The following RNF212B variants were observed in gnomAD, a reference collection of about 807,000 sequenced individuals.
RNF212B encodes E3 ubiquitin-protein ligase RNF212B.
RNF212B carries 52 observed loss-of-function variants against 55.5 expected under a neutral mutation model. The observed-to-expected ratio is 0.94, with a 90% CI of 0.75 to 1.18. RNF212B has a LOEUF of 1.18. Ranked by LOEUF, RNF212B falls within the 50% of genes most tolerant of loss-of-function variation. The probability of loss-of-function intolerance (pLI) is 0.00; values close to 1 mark genes in which losing one functional copy is unlikely to be tolerated. For synonymous variants in RNF212B, 99 were observed against 121.4 expected (o/e 0.82, Z 1.21); for missense variants, 289 against 350.4 (o/e 0.82, Z 1.40).
upstream of RNF212B, among the ~76,000 whole-genome samples, chr14:23,235,445 A>G (rs185174100): frequency 9.2e-5 from 14 of 152,334 alleles, no homozygotes; most frequent in East Asian, 2.1e-3. Context: ...TTTTTACTTG[A>G]AAGAACATCT....
intron 2 of RNF212B, among the ~76,000 whole-genome samples, chr14:23,194,747 A>AC (rs1206239640): frequency 3.4e-4 from 52 of 151,122 alleles, no homozygotes; most frequent in Admixed American, 9.2e-4. Context: ...AAAAAAAAAA[A>AC]AAAAAAAAAA....
chr14:23,209,016 C>T (rs1171910097), intron 2 of RNF212B, among the ~76,000 whole-genome samples: 1 of 152,072 alleles, frequency 6.6e-6, no homozygotes, highest in African/African-American at 2.4e-5. Flanking sequence ...CCTTGGCCTC[C>T]CAGAGTGCTG....
At chr14:23,263,314 CA>C (rs1389202437) in intron 9 of RNF212B, among the ~76,000 whole-genome samples, 5 of 152,190 alleles carry the variant, frequency 3.3e-5, no homozygotes, top group African/African-American at 1.2e-4. Flanking sequence ...TCACATTTAG[CA>C]TATTGTTTAA....
At chr14:23,234,432 A>G (rs1172201864), upstream of RNF212B, among the ~76,000 whole-genome samples, 3 of 152,010 alleles carry the variant, frequency 2.0e-5, no homozygotes, top group Non-Finnish European at 2.9e-5. Flanking sequence ...AGTATTTACT[A>G]TTATTTTCGT....
intron 12 of RNF212B, 65 bp from the exon 13 acceptor site, chr14:23,269,798 T>C: frequency 2.3e-6 from 2 of 886,744 alleles, no homozygotes; most frequent in Non-Finnish European, 3.6e-6. Flanking sequence ...TTCCATTACA[T>C]ATGCTTTTTA....
chr14:23,241,105 G>T (rs557799954), intron 2 of RNF212B, among the ~76,000 whole-genome samples: 1 of 152,242 alleles, frequency 6.6e-6, no homozygotes, highest in Admixed American at 6.5e-5. Flanking sequence ...TTGGGGTAGG[G>T]TGTTTTGATC....
chr14:23,189,494 G>A (rs1275630311), intron 1 of RNF212B, among the ~76,000 whole-genome samples: 1 of 152,056 alleles, frequency 6.6e-6, no homozygotes, highest in African/African-American at 2.4e-5. Flanking sequence ...CAGATGTGCT[G>A]TAATAACTCC....
intron 11 of RNF212B, among the ~76,000 whole-genome samples, chr14:23,267,135 G>GT (rs1215951638): frequency 6.6e-6 from 1 of 151,620 alleles, no homozygotes; most frequent in African/African-American, 2.4e-5. Flanking sequence ...CGCCTGGCTA[G>GT]TTTTTTTATT....
At chr14:23,236,382 G>T (rs375684797), upstream of RNF212B, among the ~76,000 whole-genome samples, 142 of 152,186 alleles carry the variant, frequency 9.3e-4, no homozygotes, top group African/African-American at 3.3e-3. Context: ...GGGCGTAATG[G>T]CAGGCGCCTG....
chr14:23,266,942 C>T (rs1278331006), intron 11 of RNF212B, among the ~76,000 whole-genome samples: 1 of 152,128 alleles, frequency 6.6e-6, no homozygotes, highest in African/African-American at 2.4e-5. Context: ...ATTAAAGTCA[C>T]CAACTATTAT....
upstream of RNF212B, among the ~76,000 whole-genome samples, chr14:23,235,308 C>G (rs1384582797): frequency 6.6e-6 from 1 of 152,024 alleles, no homozygotes; most frequent in Non-Finnish European, 1.5e-5. Context: ...TATGATTGTG[C>G]CACTAAACTC....
chr14:23,259,668 A>T, intron 5 of RNF212B: 1 of 341,340 alleles, frequency 2.9e-6, no homozygotes, highest in Non-Finnish European at 5.4e-6. Flanking sequence ...CCCTGAAATC[A>T]TACCAAGTAA....
rs777026693 is a variant in RNF212B at position 23,258,546 on chromosome 14, T to C, written c.229-3T>C. On this transcript the variant is annotated splice_region_variant and splice_polypyrimidine_tract_variant and intron_variant, in intron 4 of 14. Transcript: ENST00000430154. Reference sequence around the variant, plus strand: ...ATGTCAAAGGCTTGTTTTTCCCTAGTAGGTGTGGAGTTTCCAGAAGAAACA... The same window carrying C: ...ATGTCAAAGGCTTGTTTTTCCCTAGCAGGTGTGGAGTTTCCAGAAGAAACA... The C allele has an allele frequency of 6.9e-7, 1 of 1,450,932 alleles. No individual in the cohort carries two copies. The highest frequency in any genetic ancestry group is 1.3e-5 in the South Asian group (1 of 77,502). 89.9% of individuals were successfully genotyped at this position (1,450,932 alleles called of 1,614,324 possible). A position where few individuals can be genotyped will look rare whatever the true frequency, so the allele number is the denominator to read the frequency against.
Position 23,273,010 on chromosome 14 carries a change from T to A in RNF212B, c.*119T>A. The A allele has an allele frequency of 3.4e-6, 2 of 594,922 alleles. No homozygotes were observed. The highest frequency in any genetic ancestry group is 2.2e-5 in the South Asian group (1 of 46,278). The allele number at this position is 594,922 out of a possible 1,614,324, so 36.9% of individuals were successfully genotyped here. ...TGCATTGTTTCCTAGTTTCACTCTG[T>A]ACCTTATGCTCCCCCCATCTTTACC... On this transcript the variant is annotated 3_prime_UTR_variant, in exon 15 of 15. Transcript: ENST00000430154.
intron 2 of RNF212B, among the ~76,000 whole-genome samples, chr14:23,222,178 C>T (rs1331715387): frequency 1.3e-5 from 2 of 151,300 alleles, no homozygotes; most frequent in Non-Finnish European, 2.9e-5. Context: ...GAAAACAATA[C>T]AACAGGTCAA....
At chr14:23,187,808 C>T (rs1412787275) in intron 1 of RNF212B, among the ~76,000 whole-genome samples, 1 of 152,166 alleles carries the variant, frequency 6.6e-6, no homozygotes, top group Non-Finnish European at 1.5e-5. Context: ...TTAAAGCCAA[C>T]TTTCTTCCCA....
At chr14:23,214,961 A>G (rs1172763751) in intron 2 of RNF212B, among the ~76,000 whole-genome samples, 1 of 152,210 alleles carries the variant, frequency 6.6e-6, no homozygotes, top group African/African-American at 2.4e-5. Flanking sequence ...AAAAATAAAG[A>G]CAAAGTCTTG....
exon 1 of RNF212B, chr14:23,185,420 T>G (rs1196447356): frequency 6.6e-6 from 1 of 152,232 alleles, no homozygotes; most frequent in Non-Finnish European, 1.5e-5. Flanking sequence ...TTGTATACAT[T>G]CAGATTTGAA....
At chr14:23,252,676 G>A (rs181999837) in intron 4 of RNF212B, among the ~76,000 whole-genome samples, 86 of 152,222 alleles carry the variant, frequency 5.6e-4, no homozygotes, top group South Asian at 4.1e-4. Flanking sequence ...AGGAATGCAG[G>A]TTGAAGTCAT....
Sources: gnomAD v4.1 joint callset for allele counts (sites outside exome capture counted in the v4.1 genomes callset) on GRCh38, gnomAD v4.1.1 for gene constraint, MANE v1.5 for transcripts, NCBI Gene and HGNC (gene_info 2026-07-23, HGNC 2026-07-21) for gene names.